Variants in PRKN observed in about 807,000 individuals in gnomAD.
PRKN encodes parkin RBR E3 ubiquitin protein ligase.
PRKN carries 56 observed loss-of-function variants against 59.5 expected under a neutral mutation model. That is an observed-to-expected ratio of 0.94 (90% CI 0.76 to 1.18). PRKN has a LOEUF of 1.18. Among genes scored for constraint, PRKN ranks in the 50% most tolerant of loss-of-function variants. PRKN has a pLI of 0.00. For synonymous variants in PRKN, 250 were observed against 222.1 expected, an observed-to-expected ratio of 1.13 and a Z score of -1.12; for missense variants, 657 against 596.4, an observed-to-expected ratio of 1.10 and a Z score of -1.06.
chr6:162,491,901 T>C (rs949652872), intron 1 of PRKN, among the ~76,000 whole-genome samples: 1 of 152,196 alleles, frequency 6.6e-6, no homozygotes, highest in African/African-American at 2.4e-5. Context: ...AAACTGCTGC[T>C]GAGAAGCTAC....
intron 7 of PRKN, among the ~76,000 whole-genome samples, chr6:161,780,411 T>C (rs1266746921): frequency 1.3e-5 from 2 of 152,182 alleles, no homozygotes; most frequent in African/African-American, 4.8e-5. Flanking sequence ...GCCTGTATAT[T>C]GGATGGTCAT....
chr6:161,460,558 T>C lies in PRKN; in HGVS notation c.1084-73681A>G, dbSNP rs995126754. Among the ~76,000 whole-genome samples, 2 of 152,064 alleles carry C rather than the reference T, an allele frequency of 1.3e-5. No homozygotes were observed. Among genetic ancestry groups the C allele is most frequent in the African/African-American group, 4.8e-5 (2 of 41,486 alleles). ...AGACATGCTGGTAGGTAAGGAGCAA[T>C]GCTGGGGTAGAAGCCCCAGGTGCCA... On this transcript the variant is annotated intron_variant, in intron 9 of 11. Transcript: ENST00000366898. The surrounding 1 kb of genome is among the most constrained non-coding windows in gnomAD (Gnocchi z 5.0).
chr6:162,256,054 C>T (rs6939837), intron 3 of PRKN, among the ~76,000 whole-genome samples: 3,662 of 152,084 alleles, frequency 0.024, 123 homozygotes, highest in African/African-American at 0.063. Flanking sequence ...AGGTAGTCAA[C>T]CTTTGGGGAT....
chr6:161,742,645 T>C (rs964985838), intron 7 of PRKN, among the ~76,000 whole-genome samples: 6 of 152,196 alleles, frequency 3.9e-5, no homozygotes, highest in East Asian at 1.9e-4. Flanking sequence ...TCCACAGTTA[T>C]TGCCTTGCTC....
At chr6:162,277,973 G>C (rs2128105499) in intron 2 of PRKN, among the ~76,000 whole-genome samples, 1 of 152,334 alleles carries the variant, frequency 6.6e-6, no homozygotes, top group East Asian at 1.9e-4. Flanking sequence ...CCTGCACACA[G>C]ATGTTTACAG....
chr6:161,739,777 C>T (rs971258804), intron 7 of PRKN, among the ~76,000 whole-genome samples: 3 of 151,284 alleles, frequency 2.0e-5, no homozygotes, highest in African/African-American at 4.9e-5. Flanking sequence ...TTTTTTGAGA[C>T]GGAGTCTTGC....
rs138362244 is a variant in PRKN at position 162,362,855 on chromosome 6, G to A, written c.171+80455C>T. Among the ~76,000 whole-genome samples, 451 of 151,608 alleles carry A rather than the reference G, an allele frequency of 3.0e-3. 4 individuals carry two copies. The highest frequency in any genetic ancestry group is 0.01 in the African/African-American group (433 of 41,330). On this transcript the variant is annotated intron_variant, in intron 2 of 11. Transcript: ENST00000366898. ...TAAAAATTGTTTCCCCTGGCCAGGC[G>A]CAGTGGCTCACGCCTGTAATCTCAA...
At chr6:162,556,344 TGTGTGTGTGTGTG>T (rs1562381777) in intron 1 of PRKN, among the ~76,000 whole-genome samples, 2,630 of 87,362 alleles carry the variant, frequency 0.03, 58 homozygotes, top group Middle Eastern at 0.1. Flanking sequence ...ACTCAGCTGG[TGTGTGTGTGTGTG>T]TGTGTGTGTG....
chr6:161,426,589 C>T (rs886903673), intron 9 of PRKN, among the ~76,000 whole-genome samples: 2 of 149,576 alleles, frequency 1.3e-5, no homozygotes, highest in Non-Finnish European at 1.5e-5. Context: ...TTGCAGATGG[C>T]CTATTGTGGG....
At chr6:162,615,659 T>C (rs1178137424) in intron 1 of PRKN, among the ~76,000 whole-genome samples, 1 of 152,208 alleles carries the variant, frequency 6.6e-6, no homozygotes, top group African/African-American at 2.4e-5. Context: ...AGGACAGTAT[T>C]AATAGCTAAC....
intron 6 of PRKN, among the ~76,000 whole-genome samples, chr6:161,949,132 A>G (rs1257717229): frequency 6.6e-6 from 1 of 152,172 alleles, no homozygotes; most frequent in African/African-American, 2.4e-5. Flanking sequence ...GACATGATCC[A>G]CACAACGCTA....
chr6:161,858,965 GATTCTCCT>G (rs142688883), intron 6 of PRKN, among the ~76,000 whole-genome samples: 72,154 of 146,778 alleles, frequency 0.49, 17,961 homozygotes, highest in East Asian at 0.75. Context: ...GGGTTCAAGC[GATTCTCCT>G]ATTCTCCTGC....
intron 3 of PRKN, among the ~76,000 whole-genome samples, chr6:162,220,881 G>A (rs567044842): frequency 5.9e-5 from 9 of 152,160 alleles, no homozygotes; most frequent in South Asian, 4.1e-4. Flanking sequence ...CCCAATAAAC[G>A]TTACAATTCA....
chr6:162,192,938 GCATTCTAAAGGTA>G, intron 4 of PRKN, among the ~76,000 whole-genome samples: 1 of 152,226 alleles, frequency 6.6e-6, no homozygotes, highest in East Asian at 1.9e-4. Flanking sequence ...GAGCTTTTGA[GCATTCTAAAGGTA>G]CACTTGGGGA....
intron 9 of PRKN, among the ~76,000 whole-genome samples, chr6:161,517,541 C>T (rs1717104473): frequency 1.3e-5 from 2 of 151,832 alleles, no homozygotes; most frequent in Admixed American, 1.3e-4. Flanking sequence ...GAGATCAAGA[C>T]CATCCTGGCT....
chr6:162,449,896 A>T (rs1343003283), intron 1 of PRKN, among the ~76,000 whole-genome samples: 1 of 152,198 alleles, frequency 6.6e-6, no homozygotes, highest in African/African-American at 2.4e-5. Flanking sequence ...ATTTCTAGTT[A>T]GGGGGTCCAC....
intron 3 of PRKN, among the ~76,000 whole-genome samples, chr6:162,209,776 C>T (rs1188323239): frequency 6.6e-6 from 1 of 152,030 alleles, no homozygotes; most frequent in African/African-American, 2.4e-5. Context: ...ACTATGCAGC[C>T]ATAAAAAAGA....
At chr6:162,627,973 C>T (rs1014925916) in intron 1 of PRKN, among the ~76,000 whole-genome samples, 2 of 151,960 alleles carry the variant, frequency 1.3e-5, no homozygotes, top group East Asian at 1.9e-4. Context: ...CGGTATCACT[C>T]GAGTGATAGA....
chr6:162,678,688 A>G (rs1383895830), intron 1 of PRKN, among the ~76,000 whole-genome samples: 2 of 152,288 alleles, frequency 1.3e-5, no homozygotes, highest in African/African-American at 4.8e-5. Flanking sequence ...AATAGTCTAA[A>G]TATAACTCCT....
Sources: gnomAD v4.1 joint callset for allele counts (sites outside exome capture counted in the v4.1 genomes callset) on GRCh38, gnomAD v4.1.1 for gene constraint, Gnocchi (gnomAD v3.1) non-coding constraint, MANE v1.5 for transcripts, NCBI Gene and HGNC (gene_info 2026-07-23, HGNC 2026-07-21) for gene names.